Variants in SPACDR observed in about 807,000 individuals in gnomAD.
SPACDR encodes the protein uncharacterized protein C7orf61.
At chr7:100,457,283 C>T in the SPACDR span, among the ~76,000 whole-genome samples, 5 of 150,758 alleles carry the variant, frequency 3.3e-5, no homozygotes, top group Non-Finnish European at 5.9e-5. Context: ...GGATTACAGG[C>T]GTGAGGCATC....
chr7:100,460,038 C>T, the SPACDR span, among the ~76,000 whole-genome samples: 4 of 151,352 alleles, frequency 2.6e-5, no homozygotes, highest in East Asian at 2.0e-4. Flanking sequence ...TACAGGCACC[C>T]GCCACCACGC....
At chr7:100,462,770 C>T in the SPACDR span, among the ~76,000 whole-genome samples, 1 of 149,950 alleles carries the variant, frequency 6.7e-6, no homozygotes, top group Non-Finnish European at 1.5e-5. Context: ...GCCTCAGCCT[C>T]CCAAAGTGCT....
the SPACDR span, among the ~76,000 whole-genome samples, chr7:100,459,957 T>C: frequency 2.7e-3 from 404 of 151,838 alleles, no homozygotes; most frequent in African/African-American, 9.4e-3. Context: ...TGGCGCTATT[T>C]CAGCTCACTG....
chr7:100,461,905 AC>A, the SPACDR span, among the ~76,000 whole-genome samples: 1 of 150,884 alleles, frequency 6.6e-6, no homozygotes, highest in African/African-American at 2.4e-5. Flanking sequence ...AGGCAGGAGA[AC>A]GGTGTGAACC....
the SPACDR span, chr7:100,464,097 G>GGGGGGGGGGGGGGA: frequency 1.9e-6 from 1 of 528,852 alleles, no homozygotes; most frequent in South Asian, 1.7e-5. Context: ...GCGGGTGGGG[G>GGGGGGGGGGGGGGA]ATGGGGTGGG....
the SPACDR span, chr7:100,463,819 TC>T: frequency 2.4e-6 from 3 of 1,243,392 alleles, no homozygotes; most frequent in Non-Finnish European, 3.5e-6. Context: ...CTCCAGCCCC[TC>T]CCCAGCTGTC....
the SPACDR span, among the ~76,000 whole-genome samples, chr7:100,457,803 A>ATGTGTGTGTGTGTGTGTGTGTGTGTGTG: frequency 6.9e-5 from 5 of 72,586 alleles, no homozygotes; most frequent in East Asian, 1.3e-3. Flanking sequence ...ATATATATAT[A>ATGTGTGTGTGTGTGTGTGTGTGTGTGTG]TGTGTGTGTG....
At chr7:100,457,792 T>C in the SPACDR span, among the ~76,000 whole-genome samples, 2 of 111,968 alleles carry the variant, frequency 1.8e-5, no homozygotes, top group Non-Finnish European at 3.4e-5. Flanking sequence ...GGCTAACTTT[T>C]ATATATATAT....
At chr7:100,456,839 C>T in the SPACDR span, 2 of 1,613,242 alleles carry the variant, frequency 1.2e-6, no homozygotes, top group South Asian at 1.1e-5. Context: ...GCCGTCTGTG[C>T]CTCTCCTGCC....
At chr7:100,456,926 A>C in the SPACDR span, 2 of 1,613,706 alleles carry the variant, frequency 1.2e-6, no homozygotes, top group Admixed American at 3.3e-5. Context: ...CAGCCTCCGG[A>C]GTCTTCAAAG....
the SPACDR span, chr7:100,464,128 C>A: frequency 6.5e-7 from 1 of 1,542,058 alleles, no homozygotes; most frequent in Non-Finnish European, 8.7e-7. Flanking sequence ...GTGACCACCT[C>A]TTGAGGGGTC....
At chr7:100,459,101 T>A in the SPACDR span, among the ~76,000 whole-genome samples, 2 of 149,310 alleles carry the variant, frequency 1.3e-5, no homozygotes, top group East Asian at 4.0e-4. Flanking sequence ...CCTCCCGGGT[T>A]CACGCCATTC....
the SPACDR span, among the ~76,000 whole-genome samples, chr7:100,458,834 G>C: frequency 6.6e-6 from 1 of 152,130 alleles, no homozygotes; most frequent in East Asian, 1.9e-4. Context: ...GGCTGAGGCA[G>C]GAGAATAGCT....
chr7:100,459,698 C>G, the SPACDR span, among the ~76,000 whole-genome samples: 1 of 152,102 alleles, frequency 6.6e-6, no homozygotes, highest in African/African-American at 2.4e-5. Flanking sequence ...ACCCTGGGCT[C>G]GAGCGATGCT....
the SPACDR span, among the ~76,000 whole-genome samples, chr7:100,463,165 G>A: frequency 1.3e-5 from 2 of 151,738 alleles, no homozygotes; most frequent in African/African-American, 4.8e-5. Flanking sequence ...TAAGAGACAG[G>A]GTCTTGCTAT....
At chr7:100,461,761 G>A in the SPACDR span, among the ~76,000 whole-genome samples, 2 of 151,752 alleles carry the variant, frequency 1.3e-5, no homozygotes, top group Admixed American at 6.6e-5. Flanking sequence ...AGGCCGAGGC[G>A]GACAGATCAC....
the SPACDR span, among the ~76,000 whole-genome samples, chr7:100,458,428 C>T: frequency 6.6e-6 from 1 of 152,028 alleles, no homozygotes; most frequent in African/African-American, 2.4e-5. Flanking sequence ...AAAAAAGATA[C>T]AGAACATTTG....
chr7:100,460,659 C>T, the SPACDR span, among the ~76,000 whole-genome samples: 239 of 151,340 alleles, frequency 1.6e-3, 1 homozygote, highest in African/African-American at 5.5e-3. Context: ...TATCTATTTT[C>T]CTTTTTTTTT....
chr7:100,463,201 T>G, the SPACDR span, among the ~76,000 whole-genome samples: 1 of 151,906 alleles, frequency 6.6e-6, no homozygotes, highest in African/African-American at 2.4e-5. Flanking sequence ...CTCGAATTCC[T>G]GAGCTCAAGT....
Sources: allele counts gnomAD v4.1 joint callset (sites outside exome capture counted in the v4.1 genomes callset), GRCh38; gene constraint gnomAD v4.1.1; transcripts MANE v1.5; gene names NCBI Gene and HGNC (gene_info 2026-07-23, HGNC 2026-07-21).